The following NUDT21 variants were observed in gnomAD, a reference collection of about 807,000 sequenced individuals.
NUDT21 encodes cleavage and polyadenylation specificity factor subunit 5.
Under a neutral mutation model 29.8 loss-of-function variants are expected in NUDT21, and 5 were observed. The ratio of observed to expected loss-of-function variants is 0.17; its 90% CI spans 0.09 to 0.35. NUDT21 has a LOEUF of 0.35. Among genes scored for constraint, NUDT21 ranks in the 10% least tolerant of loss-of-function variants. NUDT21 has a pLI of 1.00. For synonymous variants in NUDT21, 113 were observed against 98.5 expected (o/e 1.15, Z -0.87); for missense variants, 76 against 276.0 (o/e 0.28, Z 5.13).
intron 4 of NUDT21, chr16:56,435,283 C>T: frequency 6.5e-6 from 1 of 153,026 alleles, no homozygotes; most frequent in South Asian, 2.1e-4. Context: ...GCCACCATGC[C>T]TGGCTAATTT....
intron 2 of NUDT21, among the ~76,000 whole-genome samples, chr16:56,447,293 G>T (rs1185693793): frequency 6.6e-6 from 1 of 152,194 alleles, no homozygotes; most frequent in African/African-American, 2.4e-5. Context: ...TAGGCCTAAA[G>T]AATGGGAAAC....
chr16:56,445,157 C>T (rs1423293635), intron 3 of NUDT21, among the ~76,000 whole-genome samples: 1 of 151,968 alleles, frequency 6.6e-6, no homozygotes, highest in African/African-American at 2.4e-5. Context: ...GCACTCCAGC[C>T]TGGGTGACAA....
At chr16:56,444,600 CA>C (rs1245484732) in intron 3 of NUDT21, among the ~76,000 whole-genome samples, 37 of 38,996 alleles carry the variant, frequency 9.5e-4, no homozygotes, top group Non-Finnish European at 1.5e-3. Context: ...AACTCCGCCT[CA>C]AAAAAAAAAA....
At chr16:56,437,477 T>C (rs376465157) in intron 4 of NUDT21, among the ~76,000 whole-genome samples, 6 of 152,218 alleles carry the variant, frequency 3.9e-5, no homozygotes, top group Non-Finnish European at 7.3e-5. Flanking sequence ...TGTGTGTGTG[T>C]GCCCCACATT....
chr16:56,445,368 T>A (rs569103613), intron 3 of NUDT21, among the ~76,000 whole-genome samples: 96 of 152,352 alleles, frequency 6.3e-4, no homozygotes, highest in African/African-American at 2.3e-3. Flanking sequence ...TGCGTAATAT[T>A]CACATCATGG....
chr16:56,450,314 T>G (rs1962275352), intron 1 of NUDT21, among the ~76,000 whole-genome samples: 1 of 152,242 alleles, frequency 6.6e-6, no homozygotes, highest in South Asian at 2.1e-4. Context: ...AGTCTGCTTC[T>G]GAGAATGACC....
In NUDT21 at chr16:56,450,344, A is replaced by G. The variant is rs951501583; in HGVS notation, c.116+743T>C. On this transcript the variant is annotated intron_variant, in intron 1 of 6. Transcript: ENST00000300291. ...ATGACCTTGAAATGCAATGGTTTGA[A>G]GTGTTGAAACAGAAAGGTGTTGAAA... Among the ~76,000 whole-genome samples, 3 of 152,354 alleles carry G rather than the reference A, an allele frequency of 2.0e-5. No individual in the cohort carries two copies. The South Asian group carries it at 6.2e-4, about 32-fold the overall frequency.
At chr16:56,446,770 C>A in intron 2 of NUDT21, 81 bp from the exon 3 acceptor site, 1 of 836,690 alleles carries the variant, frequency 1.2e-6, no homozygotes, top group Non-Finnish European at 1.9e-6. Context: ...TTATTTCTAC[C>A]AAGTCACTAA....
At chr16:56,447,705 C>T (rs1471142733) in intron 2 of NUDT21, 84 bp downstream of exon 2, 6 of 1,217,836 alleles carry the variant, frequency 4.9e-6, no homozygotes, top group East Asian at 2.4e-5. Flanking sequence ...AATGAATGAC[C>T]GAGGGCTAAA....
At chr16:56,443,601 G>A (rs1007763408) in intron 3 of NUDT21, among the ~76,000 whole-genome samples, 2 of 152,188 alleles carry the variant, frequency 1.3e-5, no homozygotes, top group Admixed American at 1.3e-4. Context: ...CTAGTGGAAG[G>A]TGTTTGAGTC....
chr16:56,448,452 G>A (rs1429954322), intron 1 of NUDT21, among the ~76,000 whole-genome samples: 4 of 152,066 alleles, frequency 2.6e-5, no homozygotes, highest in African/African-American at 9.7e-5. Context: ...CATCCCTCCA[G>A]TTATTTTCTA....
chr16:56,450,612 G>C (rs1047598355), intron 1 of NUDT21, among the ~76,000 whole-genome samples: 4 of 152,202 alleles, frequency 2.6e-5, no homozygotes, highest in African/African-American at 7.2e-5. Flanking sequence ...CTAAAAGGAA[G>C]AAAACTAGAC....
In NUDT21 at chr16:56,451,239, G is replaced by A. The variant is rs754437852; in HGVS notation, c.-37C>T. 2 of 1,491,866 alleles carry A rather than the reference G, an allele frequency of 1.3e-6. No individual in the cohort carries two copies. Among genetic ancestry groups the A allele is most frequent in the East Asian group, 2.3e-5 (1 of 43,740 alleles). 92.4% of individuals were successfully genotyped at this position (1,491,866 alleles called of 1,614,324 possible). ...CCGGCGCTGACGGCGAGCAGAAAGT[G>A]GCAGGCAGGGTAGACTTTCCCCGTG... is the stretch of plus-strand genomic sequence containing the variant. On this transcript the variant is annotated 5_prime_UTR_variant, in exon 1 of 7. Coordinates refer to ENST00000300291, the MANE Select transcript of NUDT21 (RefSeq NM_007006.3).
rs1596952709 is a variant in NUDT21 at position 56,432,635 on chromosome 16, C to A, written c.*77G>T. On this transcript the variant is annotated 3_prime_UTR_variant, in exon 7 of 7. Coordinates refer to ENST00000300291, the MANE Select transcript of NUDT21 (RefSeq NM_007006.3). ...AGATAAAACCAAAAAAACTTTTCTA[C>A]CACATTTATTCTACACTGTATATAG... 5 of 1,331,090 alleles carry A rather than the reference C, an allele frequency of 3.8e-6. No individual in the cohort carries two copies. The highest frequency in any genetic ancestry group is 5.1e-6 in the Non-Finnish European group (5 of 974,846). The allele number at this position is 1,331,090 out of a possible 1,614,324, so 82.5% of individuals were successfully genotyped here. A position where few individuals can be genotyped will look rare whatever the true frequency, so the allele number is the denominator to read the frequency against.
At chr16:56,444,442 G>A (rs1962193955) in intron 3 of NUDT21, among the ~76,000 whole-genome samples, 1 of 151,686 alleles carries the variant, frequency 6.6e-6, no homozygotes, top group Admixed American at 6.6e-5. Context: ...AAATTAGCTG[G>A]GCATGGTAGT....
chr16:56,447,296 TG>T (rs1962230194), intron 2 of NUDT21, among the ~76,000 whole-genome samples: 1 of 152,178 alleles, frequency 6.6e-6, no homozygotes, highest in African/African-American at 2.4e-5. Flanking sequence ...GCCTAAAGAA[TG>T]GGAAACTTTT....
chr16:56,435,743 T>TTATATTTA (rs1962092116), intron 4 of NUDT21, among the ~76,000 whole-genome samples: 1 of 27,070 alleles, frequency 3.7e-5, no homozygotes, highest in Non-Finnish European at 6.6e-5. Context: ...AAAAAAAAAA[T>TTATATTTA]TATATATATA....
At chr16:56,440,820 C>T (rs1259941334) in intron 3 of NUDT21, among the ~76,000 whole-genome samples, 2 of 152,122 alleles carry the variant, frequency 1.3e-5, no homozygotes, top group East Asian at 1.9e-4. Context: ...CTCACTGCAA[C>T]CTCCACCTCC....
chr16:56,434,495 T>C, intron 5 of NUDT21, 50 bp from the exon 6 acceptor site: 1 of 1,034,396 alleles, frequency 9.7e-7, no homozygotes, highest in Middle Eastern at 2.2e-4. Context: ...AATCACTGCT[T>C]CCATTTCATT....
Sources: allele counts gnomAD v4.1 joint callset (sites outside exome capture counted in the v4.1 genomes callset), GRCh38; gene constraint gnomAD v4.1.1; transcripts MANE v1.5; gene names NCBI Gene and HGNC (gene_info 2026-07-23, HGNC 2026-07-21).